TET2: variants seen among roughly 807,000 people sequenced by gnomAD.
TET2 encodes the protein methylcytosine dioxygenase TET2.
TET2 carries 299 observed loss-of-function variants against 142.9 expected under a neutral mutation model. The ratio of observed to expected loss-of-function variants is 2.09; its 90% CI spans 1.90 to 2.30. The LOEUF is 2.30. Among genes scored for constraint, TET2 ranks in the 30% most tolerant of loss-of-function variants. The probability of loss-of-function intolerance (pLI) is 0.00; values close to 1 mark genes in which losing one functional copy is unlikely to be tolerated. For synonymous variants in TET2, 819 were observed against 849.0 expected (o/e 0.96, Z 0.61); for missense variants, 2,418 against 2,378.0 (o/e 1.02, Z -0.35).
intron 8 of TET2, among the ~76,000 whole-genome samples, chr4:105,262,102 C>T (rs112257532): frequency 1.7e-3 from 261 of 152,180 alleles, no homozygotes; most frequent in African/African-American, 5.8e-3. Flanking sequence ...ATCTTGTTCT[C>T]ATATGAATAA....
chr4:105,233,873 A>T (rs1311566012), intron 2 of TET2, 24 bp from the exon 3 acceptor site: 5 of 1,278,098 alleles, frequency 3.9e-6, no homozygotes, highest in Non-Finnish European at 5.4e-6. Flanking sequence ...AACACATTTT[A>T]ATTTTTGTTT....
intron 7 of TET2, among the ~76,000 whole-genome samples, chr4:105,260,186 CTG>C (rs1288984424): frequency 2.6e-5 from 4 of 151,968 alleles, no homozygotes; most frequent in Non-Finnish European, 4.4e-5. Flanking sequence ...AATAAAGTCA[CTG>C]TAATGAATGC....
chr4:105,254,745 G>A (rs1168020616), intron 6 of TET2, among the ~76,000 whole-genome samples: 4 of 152,094 alleles, frequency 2.6e-5, no homozygotes, highest in Non-Finnish European at 5.9e-5. Flanking sequence ...CAATAGAATG[G>A]TATATGGCAT....
chr4:105,200,805 C>T (rs1726416167), intron 2 of TET2, among the ~76,000 whole-genome samples: 1 of 152,024 alleles, frequency 6.6e-6, no homozygotes, highest in Non-Finnish European at 1.5e-5. Context: ...GGACTACAGG[C>T]ACACACCACC....
chr4:105,272,841 A>T lies in TET2; in HGVS notation c.4460A>T (p.Asn1487Ile). Residue 1487 changes from asparagine to isoleucine, a missense_variant, in exon 10 of 11, where the codon AAT becomes ATT. Asn to Ile is a moderately radical substitution (Grantham distance 149, BLOSUM62 -3). Coordinates refer to ENST00000380013, the MANE Select transcript of TET2 (RefSeq NM_001127208.3). The part of the protein sequence containing the change: ...EKLSSLENSS[N>I]KNEKEKSAPS... ...CTTTCCTCCCTGGAGAACAGCTCAAATAAAAATGAAAAGGAAAAGTCAGCC... is the reference window on the plus strand; with the variant it reads ...CTTTCCTCCCTGGAGAACAGCTCAATTAAAAATGAAAAGGAAAAGTCAGCC... The T allele has an allele frequency of 6.4e-7, 1 of 1,551,360 alleles. No homozygotes were observed. The highest frequency in any genetic ancestry group is 1.2e-5 in the South Asian group (1 of 84,036).
At chr4:105,176,297 A>G (rs1276061808) in intron 1 of TET2, among the ~76,000 whole-genome samples, 3 of 152,184 alleles carry the variant, frequency 2.0e-5, no homozygotes, top group African/African-American at 7.2e-5. Flanking sequence ...CTAATGCAAT[A>G]AGACAAAGGA....
At chr4:105,148,074 A>C (rs1447094041) in intron 1 of TET2, among the ~76,000 whole-genome samples, 1 of 151,886 alleles carries the variant, frequency 6.6e-6, no homozygotes. Flanking sequence ...ACACACACAC[A>C]CACACACACC....
rs770445469 is a variant in TET2 at position 105,276,255 on chromosome 4, T to A, written c.5745T>A (p.Ala1915=). ...KSMNEPKHGL[A]LWEAKMAEKA... is the part of the protein sequence containing the mutation. Reference sequence around the variant, plus strand: ...TGAATGAGCCAAAACATGGCTTGGCTCTTTGGGAAGCCAAAATGGCTGAAA... The same window carrying A: ...TGAATGAGCCAAAACATGGCTTGGCACTTTGGGAAGCCAAAATGGCTGAAA... The change falls in exon 11 of 11, where the codon GCT becomes GCA. Residue 1915 remains alanine, a synonymous_variant. Coordinates refer to ENST00000380013, the MANE Select transcript of TET2 (RefSeq NM_001127208.3). 3.9e-6 allele frequency: 6 copies of A among 1,551,606 alleles called. No homozygotes were observed. Among genetic ancestry groups the A allele is most frequent in the Non-Finnish European group, 5.2e-6 (6 of 1,146,964 alleles).
chr4:105,235,015 G>T lies in TET2; in HGVS notation c.1073G>T (p.Ser358Ile), dbSNP rs1560542370. Residue 358 changes from serine (S) to isoleucine (I), a missense_variant, in exon 3 of 11, where the codon AGC (serine) becomes ATC (isoleucine). Ser to Ile is a moderately radical substitution (Grantham distance 142). Transcript: ENST00000380013. The part of the protein sequence containing the change: ...SGEEFCSGSS[S>I]NLQAPGGSSE... Reference sequence around the variant, plus strand: ...GAAGAATTCTGTTCAGGTTCCAGCAGCAATTTGCAAGCTCCTGGTGGCAGC... The same window carrying T: ...GAAGAATTCTGTTCAGGTTCCAGCATCAATTTGCAAGCTCCTGGTGGCAGC... 1 of 1,614,108 alleles carries T rather than the reference G, an allele frequency of 6.2e-7. No homozygotes were observed. The highest frequency in any genetic ancestry group is 1.7e-5 in the Admixed American group (1 of 60,012).
intron 10 of TET2, among the ~76,000 whole-genome samples, chr4:105,273,657 G>C (rs1731069065): frequency 6.6e-6 from 1 of 152,096 alleles, no homozygotes; most frequent in Admixed American, 6.5e-5. Flanking sequence ...ACTGTTTTAG[G>C]TTTCTAAAAC....
intron 1 of TET2, among the ~76,000 whole-genome samples, chr4:105,162,346 C>T (rs577804518): frequency 7.8e-4 from 119 of 152,250 alleles, no homozygotes; most frequent in African/African-American, 2.8e-3. Context: ...AGAGTGGTGT[C>T]TATCTTACTA....
intron 9 of TET2, among the ~76,000 whole-genome samples, chr4:105,269,970 A>G (rs1286241701): frequency 6.6e-6 from 1 of 152,212 alleles, no homozygotes; most frequent in East Asian, 1.9e-4. Context: ...ACTCCCCTTT[A>G]TAAAATCATC....
chr4:105,272,009 CTTTTCAT>C (rs1049353957), intron 9 of TET2, among the ~76,000 whole-genome samples: 1 of 149,104 alleles, frequency 6.7e-6, no homozygotes, highest in Non-Finnish European at 1.5e-5. Flanking sequence ...AAATCTTTAC[CTTTTCAT>C]TTTTTATATT....
At chr4:105,170,391 A>G (rs745674606) in intron 1 of TET2, among the ~76,000 whole-genome samples, 4 of 152,216 alleles carry the variant, frequency 2.6e-5, no homozygotes, top group Non-Finnish European at 5.9e-5. Context: ...AGGCTGAGGC[A>G]GGAAGATTGC....
chr4:105,236,809 T>G lies in TET2; in HGVS notation c.2867T>G (p.Leu956Arg), dbSNP rs755826909. The change falls in exon 3 of 11, where the codon CTC becomes CGC. Residue 956 changes from leucine to arginine, a missense_variant. By Grantham distance (102) the Leu-to-Arg change is moderately radical (BLOSUM62 -2). Coordinates refer to ENST00000380013, the MANE Select transcript of TET2 (RefSeq NM_001127208.3). ...TQKHAALRWH[L>R]LQKQEQQQTQ... The stretch of plus-strand genomic sequence containing the variant: ...AAGCATGCTGCTCTAAGGTGGCATC[T>G]CTTACAGAAGCAAGAACAGCAGCAA... 6.2e-7 allele frequency: 1 copy of G among 1,614,090 alleles called. No homozygotes were observed. The highest frequency in any genetic ancestry group is 1.1e-5 in the South Asian group (1 of 91,082).
intron 1 of TET2, among the ~76,000 whole-genome samples, chr4:105,169,548 C>G (rs1397900587): frequency 6.6e-6 from 1 of 152,134 alleles, no homozygotes; most frequent in Non-Finnish European, 1.5e-5. Context: ...ACGCTGCTGA[C>G]TGTTCCTATT....
intron 8 of TET2, among the ~76,000 whole-genome samples, chr4:105,266,669 A>G (rs1295177210): frequency 6.6e-6 from 1 of 152,120 alleles, no homozygotes; most frequent in Non-Finnish European, 1.5e-5. Context: ...CGGAATTAAC[A>G]GATTAAGGAA....
intron 6 of TET2, among the ~76,000 whole-genome samples, chr4:105,253,520 C>T (rs1729972914): frequency 6.7e-6 from 1 of 150,106 alleles, no homozygotes; most frequent in Non-Finnish European, 1.5e-5. Flanking sequence ...TTCCTGCAAC[C>T]ATGTTATATA....
intron 1 of TET2, among the ~76,000 whole-genome samples, chr4:105,167,889 C>A (rs996344222): frequency 7.9e-5 from 12 of 152,248 alleles, no homozygotes; most frequent in Non-Finnish European, 1.5e-4. Flanking sequence ...CCCGTAAGGA[C>A]GTAATCTTGC....
Sources: gnomAD v4.1 joint callset for allele counts (sites outside exome capture counted in the v4.1 genomes callset) on GRCh38, gnomAD v4.1.1 for gene constraint, MANE v1.5 for transcripts, NCBI Gene and HGNC (gene_info 2026-07-23, HGNC 2026-07-21) for gene names.